RBFOX1: variants seen among roughly 807,000 people sequenced by gnomAD.
RBFOX1 encodes RNA binding protein fox-1 homolog 1.
Under a neutral mutation model 57.7 loss-of-function variants are expected in RBFOX1, and 8 were observed. The ratio of observed to expected loss-of-function variants is 0.14; its 90% CI spans 0.08 to 0.25. The LOEUF (loss-of-function observed/expected upper bound fraction) is 0.25, where lower values mean the gene tolerates loss of function less well. RBFOX1 is among the 10% of genes least tolerant of loss of function. The probability of loss-of-function intolerance (pLI) is 1.00; values close to 1 mark genes in which losing one functional copy is unlikely to be tolerated. For synonymous variants in RBFOX1, 326 were observed against 222.4 expected (o/e 1.47, Z -4.15); for missense variants, 611 against 548.5 (o/e 1.11, Z -1.14).
intron 3 of RBFOX1, among the ~76,000 whole-genome samples, chr16:6,934,203 A>G (rs532285586): frequency 6.6e-6 from 1 of 152,304 alleles, no homozygotes; most frequent in African/African-American, 2.4e-5. Flanking sequence ...TTCCTGGTCT[A>G]GGGATTCTTG....
At chr16:6,011,049 G>A (rs2094958264) in intron 4 of RBFOX1, among the ~76,000 whole-genome samples, 1 of 152,096 alleles carries the variant, frequency 6.6e-6, no homozygotes, top group South Asian at 2.1e-4. Context: ...CATCCTAAAT[G>A]GCTTAAATAT....
chr16:6,064,583 C>G (rs2095734426), intron 1 of RBFOX1, among the ~76,000 whole-genome samples: 4 of 151,926 alleles, frequency 2.6e-5, no homozygotes, highest in Admixed American at 2.0e-4. Flanking sequence ...GCTCTGTCAC[C>G]AGGCTGGAGT....
chr16:6,405,772 G>A (rs1567205082), intron 2 of RBFOX1, among the ~76,000 whole-genome samples: 1 of 152,106 alleles, frequency 6.6e-6, no homozygotes, highest in Non-Finnish European at 1.5e-5. Flanking sequence ...TTACACATGG[G>A]CTATTTTTAC....
At chr16:6,766,217 C>G (rs1275922148) in intron 3 of RBFOX1, among the ~76,000 whole-genome samples, 2 of 152,014 alleles carry the variant, frequency 1.3e-5, no homozygotes, top group Non-Finnish European at 2.9e-5. Context: ...TTCAGTCCAA[C>G]CAGAATTTGA....
intron 3 of RBFOX1, among the ~76,000 whole-genome samples, chr16:5,757,108 A>T (rs372101916): frequency 5.8e-4 from 89 of 152,260 alleles, no homozygotes; most frequent in Non-Finnish European, 9.3e-4. Flanking sequence ...AACCAAGTTG[A>T]CTGAGACTCT....
chr16:5,339,223 C>A (rs945826911), intron 1 of RBFOX1, among the ~76,000 whole-genome samples: 12 of 152,050 alleles, frequency 7.9e-5, no homozygotes, highest in African/African-American at 2.9e-4. Flanking sequence ...AGTTTGACTT[C>A]CTTAGATTCC....
chr16:6,068,994 G>A (rs199833041), intron 1 of RBFOX1, among the ~76,000 whole-genome samples: 21 of 151,972 alleles, frequency 1.4e-4, no homozygotes, highest in East Asian at 1.2e-3. Context: ...CAAAGTAGGC[G>A]TTTAATAAAC....
chr16:6,812,800 G>C (rs2089063785), intron 3 of RBFOX1, among the ~76,000 whole-genome samples: 1 of 152,144 alleles, frequency 6.6e-6, no homozygotes, highest in South Asian at 2.1e-4. Context: ...TGGACCTCCT[G>C]TTTTACTCCA....
intron 3 of RBFOX1, among the ~76,000 whole-genome samples, chr16:5,791,764 A>G (rs1367754558): frequency 6.6e-6 from 1 of 152,246 alleles, no homozygotes; most frequent in Non-Finnish European, 1.5e-5. Context: ...TTCAAAAGTA[A>G]GCAATGCAAT....
chr16:6,972,301 T>A (rs975585891), intron 3 of RBFOX1, among the ~76,000 whole-genome samples: 4 of 152,118 alleles, frequency 2.6e-5, no homozygotes, highest in African/African-American at 9.7e-5. Flanking sequence ...TTTGTCTCTA[T>A]GATTGGGCTA....
At chr16:7,285,390 G>A (rs2095630058) in intron 4 of RBFOX1, among the ~76,000 whole-genome samples, 1 of 151,910 alleles carries the variant, frequency 6.6e-6, no homozygotes, top group Non-Finnish European at 1.5e-5. Flanking sequence ...GTGTGTGTGT[G>A]TGTGTGTGTG....
intron 1 of RBFOX1, among the ~76,000 whole-genome samples, chr16:5,308,804 C>T (rs1362807714): frequency 1.3e-5 from 2 of 151,718 alleles, no homozygotes; most frequent in African/African-American, 4.8e-5. Flanking sequence ...GTTTTCCTCT[C>T]TTGTGTCTTT....
At chr16:6,614,114 T>G (rs1458537988) in intron 2 of RBFOX1, among the ~76,000 whole-genome samples, 2 of 152,216 alleles carry the variant, frequency 1.3e-5, no homozygotes, top group Non-Finnish European at 2.9e-5. Flanking sequence ...GTAATATTTT[T>G]GGAATTCCCA....
intron 3 of RBFOX1, among the ~76,000 whole-genome samples, chr16:6,891,063 C>G (rs956255986): frequency 2.6e-5 from 4 of 152,162 alleles, no homozygotes; most frequent in African/African-American, 7.2e-5. Flanking sequence ...TTCCCCGTCC[C>G]TTCACAATTG....
chr16:5,593,024 A>C (rs1302840247), intron 2 of RBFOX1, among the ~76,000 whole-genome samples: 1 of 152,212 alleles, frequency 6.6e-6, no homozygotes, highest in East Asian at 1.9e-4. Context: ...TGAGATAGGA[A>C]GTCAGCACCA....
chr16:5,383,613 T>G (rs1201081658), intron 1 of RBFOX1, among the ~76,000 whole-genome samples: 2 of 152,218 alleles, frequency 1.3e-5, no homozygotes, highest in African/African-American at 4.8e-5. Flanking sequence ...GTCCCTAGGA[T>G]CAACTGAGCA....
intron 3 of RBFOX1, among the ~76,000 whole-genome samples, chr16:6,744,255 A>G (rs374734004): frequency 6.6e-6 from 1 of 152,126 alleles, no homozygotes; most frequent in East Asian, 1.9e-4. Flanking sequence ...GAAATAGCCA[A>G]ATATTTCAGT....
At chr16:6,314,509 T>C (rs1044140171) in intron 1 of RBFOX1, among the ~76,000 whole-genome samples, 6 of 152,020 alleles carry the variant, frequency 3.9e-5, no homozygotes, top group African/African-American at 1.4e-4. Context: ...CTTCCATGAG[T>C]TCAAATGGGG....
In RBFOX1 at chr16:5,579,951, A is replaced by G. The variant is rs142980992; in HGVS notation, c.259-18951A>G. 5.7e-3 allele frequency among the ~76,000 whole-genome samples: 863 copies of G among 151,972 alleles called. 5 individuals carry two copies. The highest frequency in any genetic ancestry group is 0.02 in the African/African-American group (823 of 41,460). ...ATTTTTTTCTTTTTTTTGAATTTTT[A>G]GTAGAGACGGGGTTTCACCAACATG... On this transcript the variant is annotated intron_variant, in intron 2 of 2. Transcript: ENST00000585867.
Sources: gnomAD v4.1 joint callset for allele counts (sites outside exome capture counted in the v4.1 genomes callset) on GRCh38, gnomAD v4.1.1 for gene constraint, MANE v1.5 for transcripts, NCBI Gene and HGNC (gene_info 2026-07-23, HGNC 2026-07-21) for gene names.